The following ZNF638 variants were observed in gnomAD, a reference collection of about 807,000 sequenced individuals.
ZNF638 encodes CTCL tumor antigen se33-1.
In ZNF638, 46 loss-of-function variants were observed where a neutral mutation model predicts 195.6. That is an observed-to-expected ratio of 0.24 (90% CI 0.19 to 0.30). ZNF638 has a LOEUF of 0.30. Ranked by LOEUF, ZNF638 falls within the 10% of genes least tolerant of loss-of-function variation. The pLI is 1.00. For synonymous variants in ZNF638, 845 were observed against 772.0 expected, an observed-to-expected ratio of 1.09 and a Z score of -1.57; for missense variants, 2,440 against 2,325.3, an observed-to-expected ratio of 1.05 and a Z score of -1.01.
At chr2:71,394,427 C>T (rs1011516909) in intron 10 of ZNF638, among the ~76,000 whole-genome samples, 2 of 152,170 alleles carry the variant, frequency 1.3e-5, no homozygotes, top group Admixed American at 6.5e-5. Context: ...GCCTGATTTG[C>T]ACTACCCATC....
intron 11 of ZNF638, among the ~76,000 whole-genome samples, chr2:71,397,795 C>CA (rs1486283345): frequency 2.6e-5 from 4 of 152,128 alleles, no homozygotes; most frequent in Non-Finnish European, 5.9e-5. Flanking sequence ...TTCATGATCA[C>CA]ATCTTTATAA....
chr2:71,356,724 A>C (rs772810618), intron 3 of ZNF638, among the ~76,000 whole-genome samples: 1 of 152,016 alleles, frequency 6.6e-6, no homozygotes, highest in Non-Finnish European at 1.5e-5. Context: ...AGGAGATAGA[A>C]GCTTCAGTGA....
intron 11 of ZNF638, among the ~76,000 whole-genome samples, chr2:71,396,454 CTCTT>C (rs921118527): frequency 1.3e-5 from 2 of 152,142 alleles, no homozygotes; most frequent in Non-Finnish European, 2.9e-5. Flanking sequence ...ATTGAGGTCT[CTCTT>C]CTTCCTTACT....
rs564756179 is a variant in ZNF638, at chr2:71,390,036, G to A, written c.2378-6105G>A. ...AAATTGTTTTCTGTGTGGAGAGCCAGGTCATAAGAAGAGGCAGTGCCCCAC... is the reference window on the plus strand; with the variant it reads ...AAATTGTTTTCTGTGTGGAGAGCCAAGTCATAAGAAGAGGCAGTGCCCCAC... On this transcript the variant is annotated intron_variant, in intron 10 of 27. Coordinates refer to ENST00000264447, the MANE Select transcript of ZNF638 (RefSeq NM_014497.5). Among the ~76,000 whole-genome samples, 6 of 152,296 alleles carry A rather than the reference G, an allele frequency of 3.9e-5. No individual in the cohort carries two copies. In the South Asian group the frequency reaches 1.2e-3, roughly 32 times the overall value.
rs776910422 is a variant in ZNF638 at position 71,364,139 on chromosome 2, C to A, written c.1604C>A (p.Ser535Tyr). 8.1e-6 allele frequency: 13 copies of A among 1,613,906 alleles called. No homozygotes were observed. Among genetic ancestry groups the A allele is most frequent in the Non-Finnish European group, 5.9e-6 (7 of 1,179,938 alleles). Residue 535 changes from serine (S) to tyrosine (Y), a missense_variant, in exon 5 of 28, where the codon TCC becomes TAC. Transcript: ENST00000264447. ...CATCGTTTCATTTCTAGATACAGAT[C>A]CAGATCCAGATCCCGTTCACCATAT... The part of the protein sequence containing the change: ...ICHRFISRYR[S>Y]RSRSRSPYRI...
At chr2:71,396,612 C>T (rs1037167691) in intron 11 of ZNF638, among the ~76,000 whole-genome samples, 2 of 152,254 alleles carry the variant, frequency 1.3e-5, no homozygotes, top group South Asian at 4.1e-4. Flanking sequence ...CTGATTAATT[C>T]AGGGTCATCT....
chr2:71,343,755 T>G (rs1014461998), intron 1 of ZNF638, among the ~76,000 whole-genome samples: 5 of 152,134 alleles, frequency 3.3e-5, no homozygotes, highest in African/African-American at 1.2e-4. Flanking sequence ...TAGTTTGAAT[T>G]TGAATTTTCT....
intron 19 of ZNF638, chr2:71,407,401 A>AT (rs2080127222): frequency 6.6e-6 from 1 of 152,230 alleles, no homozygotes; most frequent in Admixed American, 6.5e-5. Flanking sequence ...GCTTTACAAC[A>AT]TTTTAAGGAT....
chr2:71,375,116 G>A (rs2079397313), intron 8 of ZNF638: 1 of 151,992 alleles, frequency 6.6e-6, no homozygotes, highest in Non-Finnish European at 1.5e-5. Context: ...GTTACTACTA[G>A]AGTAACCTAT....
intron 7 of ZNF638, 31 bp from the exon 8 acceptor site, chr2:71,369,852 G>C (rs2079277499): frequency 3.2e-6 from 5 of 1,549,466 alleles, no homozygotes; most frequent in Non-Finnish European, 4.3e-6. Flanking sequence ...AGATAGATTT[G>C]TGACTAAAGA....
At chr2:71,384,248 C>T (rs939496872) in intron 10 of ZNF638, among the ~76,000 whole-genome samples, 2 of 152,162 alleles carry the variant, frequency 1.3e-5, no homozygotes, top group African/African-American at 4.8e-5. Flanking sequence ...GGAAGATAGC[C>T]TCCTGACTGG....
At chr2:71,396,337 T>C in intron 11 of ZNF638, 146 bp downstream of exon 11, 1 of 652,140 alleles carries the variant, frequency 1.5e-6, no homozygotes, top group Non-Finnish European at 2.6e-6. Context: ...CATCTAGCAA[T>C]TTTGAGAAAT....
In ZNF638 at chr2:71,426,588, T is replaced by C. The variant is rs753752590; in HGVS notation, c.4719T>C (p.Pro1573=). 3.1e-6 allele frequency: 5 copies of C among 1,614,196 alleles called. No homozygotes were observed. In the African/African-American group the frequency reaches 6.7e-5, roughly 22 times the overall value. The change falls in exon 24 of 28, where the codon CCT becomes CCC. Residue 1573 remains proline (P), a synonymous_variant. Coordinates refer to ENST00000264447, the MANE Select transcript of ZNF638 (RefSeq NM_014497.5). ...GGAAAGAAACTCTCAAAAATGTTCC[T>C]TTCTCTGAACTTAACTTAAAGAAGA... The part of the protein sequence containing the change: ...GKRKETLKNV[P]FSELNLKKKK...
chr2:71,403,895 C>G lies in ZNF638; in HGVS notation c.2855C>G (p.Ala952Gly), dbSNP rs757637845. Residue 952 changes from alanine (A) to glycine (G), a missense_variant, in exon 17 of 28, where the codon GCT (alanine) becomes GGT (glycine). Coordinates refer to ENST00000264447, the MANE Select transcript of ZNF638 (RefSeq NM_014497.5). ...GCATATATAGAAATAAATAGAAAAGCTGCTGAGTCTATGGTAAAATTTTAT... is the reference window on the plus strand; with the variant it reads ...GCATATATAGAAATAAATAGAAAAGGTGCTGAGTCTATGGTAAAATTTTAT... ...KKAYIEINRK[A>G]AESMVKFYTC... The G allele has an allele frequency of 1.0e-5, 16 of 1,587,200 alleles. 1 individual carries two copies. Among genetic ancestry groups the G allele is most frequent in the Middle Eastern group, 3.3e-4 (2 of 5,976 alleles).
Position 71,400,495 on chromosome 2 carries a change from A to G in ZNF638, c.2674A>G (p.Thr892Ala). Residue 892 changes from threonine to alanine, a missense_variant, in exon 15 of 28, where the codon ACA becomes GCA. By Grantham distance (58) the Thr-to-Ala change is moderately conservative (BLOSUM62 0). Around this residue, in one of 5 missense-constraint regions of ZNF638, gnomAD observed 1,883 missense variants for 1,739.1 expected, o/e 1.08. Coordinates refer to ENST00000264447, the MANE Select transcript of ZNF638 (RefSeq NM_014497.5). ...EAISDAALEA[T>A]ENEPLNKETE... ...GTATTAAGATGCTGCTTTGGAGGCC[A>G]CAGAGAATGAACCACTTAACAAGGT... 7 of 1,607,738 alleles carry G rather than the reference A, an allele frequency of 4.4e-6. No individual in the cohort carries two copies. The highest frequency in any genetic ancestry group is 5.9e-6 in the Non-Finnish European group (7 of 1,177,852).
intron 25 of ZNF638, among the ~76,000 whole-genome samples, chr2:71,430,679 A>T (rs2080639555): frequency 6.6e-6 from 1 of 152,236 alleles, no homozygotes; most frequent in Non-Finnish European, 1.5e-5. Context: ...AAGCTAAATG[A>T]ATGATTATAT....
At position 71,370,009 on chromosome 2, in the gene ZNF638, A is replaced by G. The variant is rs2079279847; in HGVS notation, c.2265+4A>G. The G allele has an allele frequency of 6.3e-7, 1 of 1,588,048 alleles. No homozygotes were observed. The highest frequency in any genetic ancestry group is 8.5e-7 in the Non-Finnish European group (1 of 1,172,918). ...TCCAGGAAAGAAAAAAGCACAGGTA[A>G]TCTGGATTTAGGTCTTAAATGTTTT... On this transcript the variant is annotated splice_donor_region_variant and intron_variant, in intron 8 of 27. Transcript: ENST00000264447.
At chr2:71,404,319 T>TC (rs552957848) in intron 17 of ZNF638, among the ~76,000 whole-genome samples, 8 of 152,244 alleles carry the variant, frequency 5.3e-5, no homozygotes, top group Non-Finnish European at 1.2e-4. Context: ...TAATTTTTTT[T>TC]CTCTCATTTC....
At chr2:71,376,379 G>GTGGACAAT (rs2079424383) in intron 8 of ZNF638, 1 of 146,948 alleles carries the variant, frequency 6.8e-6, no homozygotes, top group Non-Finnish European at 1.5e-5. Flanking sequence ...TTGGAAGTAT[G>GTGGACAAT]TGGACAATTG....
Sources: gnomAD v4.1 joint callset for allele counts (sites outside exome capture counted in the v4.1 genomes callset) on GRCh38, gnomAD v4.1.1 for gene constraint, gnomAD v4.1.1 regional missense constraint, MANE v1.5 for transcripts, NCBI Gene and HGNC (gene_info 2026-07-23, HGNC 2026-07-21) for gene names.